The following FGF14 variants were observed in gnomAD, a reference collection of about 807,000 sequenced individuals.
FGF14 encodes fibroblast growth factor 14.
A neutral mutation model predicts 25.5 loss-of-function variants in FGF14; 5 were observed. The ratio of observed to expected loss-of-function variants is 0.20; its 90% CI spans 0.10 to 0.41. FGF14 has a LOEUF of 0.41. Ranked by LOEUF, FGF14 falls within the 10% of genes least tolerant of loss-of-function variation. FGF14 has a pLI of 1.00. For missense variants in FGF14, 222 were observed against 320.1 expected, an observed-to-expected ratio of 0.69 and a Z score of 2.34; for synonymous variants, 138 against 118.3, an observed-to-expected ratio of 1.17 and a Z score of -1.08.
At chr13:102,015,068 T>A (rs1344365491) in intron 1 of FGF14, among the ~76,000 whole-genome samples, 1 of 152,172 alleles carries the variant, frequency 6.6e-6, no homozygotes, top group Non-Finnish European at 1.5e-5. Flanking sequence ...CCACAACGCC[T>A]GGCTAATTTT....
At chr13:102,266,086 T>C (rs999599230) in intron 1 of FGF14, among the ~76,000 whole-genome samples, 2 of 152,058 alleles carry the variant, frequency 1.3e-5, no homozygotes, top group African/African-American at 2.4e-5. Flanking sequence ...GGACAACTCA[T>C]CTCTCTAGAT....
At chr13:101,967,762 GCTCTTGATGT>G (rs1452073737) in intron 1 of FGF14, 1 of 154,300 alleles carries the variant, frequency 6.5e-6, no homozygotes. Context: ...GCATATCTTT[GCTCTTGATGT>G]CTTTTTAACC....
At chr13:101,774,880 G>A (rs1594202739) in intron 3 of FGF14, among the ~76,000 whole-genome samples, 1 of 150,134 alleles carries the variant, frequency 6.7e-6, no homozygotes, top group South Asian at 2.1e-4. Context: ...TGGTGAAACC[G>A]TGTCTCTACT....
chr13:102,288,224 G>A (rs1383319171), intron 1 of FGF14, among the ~76,000 whole-genome samples: 1 of 152,124 alleles, frequency 6.6e-6, no homozygotes, highest in Non-Finnish European at 1.5e-5. Context: ...AAAATCTACT[G>A]CAAACTGGTG....
intron 1 of FGF14, among the ~76,000 whole-genome samples, chr13:102,006,809 A>G (rs567659025): frequency 3.1e-5 from 4 of 130,406 alleles, no homozygotes; most frequent in Admixed American, 9.5e-5. Context: ...CAGTGGCGCA[A>G]TCTCGGCTCA....
intron 1 of FGF14, among the ~76,000 whole-genome samples, chr13:101,878,948 C>G (rs921805215): frequency 6.5e-5 from 2 of 30,898 alleles, no homozygotes; most frequent in Admixed American, 8.0e-4. Flanking sequence ...AATATAAGGC[C>G]TACAAGTATT....
chr13:102,144,963 G>A (rs140879641), intron 1 of FGF14, among the ~76,000 whole-genome samples: 4 of 152,162 alleles, frequency 2.6e-5, no homozygotes, highest in Admixed American at 2.6e-4. Context: ...TAAGCAAAAT[G>A]AATATATAAA....
chr13:101,882,512 G>A (rs1320382498), intron 1 of FGF14, among the ~76,000 whole-genome samples: 1 of 150,950 alleles, frequency 6.6e-6, no homozygotes, highest in Non-Finnish European at 1.5e-5. Flanking sequence ...TAGTAGAGCA[G>A]TAAACTGGGA....
At chr13:101,976,971 T>A (rs768650981) in intron 1 of FGF14, among the ~76,000 whole-genome samples, 1 of 152,208 alleles carries the variant, frequency 6.6e-6, no homozygotes, top group African/African-American at 2.4e-5. Context: ...TTGGATAATA[T>A]CATTACATTC....
chr13:102,080,953 C>A (rs867446668), intron 1 of FGF14, among the ~76,000 whole-genome samples: 9 of 152,220 alleles, frequency 5.9e-5, no homozygotes, highest in Admixed American at 2.0e-4. Flanking sequence ...GGACTTCCTC[C>A]AGCAAAAGGG....
chr13:101,920,327 T>C (rs1214176085), upstream of FGF14, among the ~76,000 whole-genome samples: 6 of 152,176 alleles, frequency 3.9e-5, no homozygotes, highest in African/African-American at 1.2e-4. Flanking sequence ...CACCAAGCTA[T>C]TGGGAGCCTG....
intron 1 of FGF14, among the ~76,000 whole-genome samples, chr13:101,906,784 T>G (rs1357251802): frequency 2.0e-5 from 3 of 152,226 alleles, no homozygotes; most frequent in African/African-American, 7.2e-5. Context: ...ATAGAAAAAC[T>G]AAAAACACAA....
intron 1 of FGF14, among the ~76,000 whole-genome samples, chr13:102,048,410 C>G (rs951805700): frequency 3.3e-5 from 5 of 152,168 alleles, no homozygotes; most frequent in South Asian, 2.1e-4. Flanking sequence ...CGGTAACTAT[C>G]ATTTTTTGTT....
intron 1 of FGF14, among the ~76,000 whole-genome samples, chr13:102,326,685 GA>G (rs2056442493): frequency 1.4e-4 from 9 of 65,044 alleles, no homozygotes; most frequent in Non-Finnish European, 2.6e-4. Flanking sequence ...GAAGGGAAGG[GA>G]AGGGAAGGGA....
intron 1 of FGF14, among the ~76,000 whole-genome samples, chr13:102,155,718 C>G (rs1233160731): frequency 7.0e-6 from 1 of 142,786 alleles, no homozygotes; most frequent in Non-Finnish European, 1.5e-5. Flanking sequence ...TCAATGAATC[C>G]AGGAGCTGGT....
chr13:102,117,317 C>T (rs971047470), intron 1 of FGF14, among the ~76,000 whole-genome samples: 14 of 151,830 alleles, frequency 9.2e-5, no homozygotes, highest in South Asian at 2.1e-4. Context: ...AGTCTGCTCC[C>T]GTCCTGACTT....
intron 1 of FGF14, among the ~76,000 whole-genome samples, chr13:101,887,137 GT>G (rs1252244898): frequency 6.6e-6 from 1 of 151,760 alleles, no homozygotes; most frequent in Non-Finnish European, 1.5e-5. Flanking sequence ...CAGTATGGAG[GT>G]TTCTCAAAAA....
At chr13:101,834,287 C>T (rs1291585848) in intron 3 of FGF14, among the ~76,000 whole-genome samples, 1 of 152,012 alleles carries the variant, frequency 6.6e-6, no homozygotes, top group Non-Finnish European at 1.5e-5. Flanking sequence ...TGCATCAAAA[C>T]ATTGTTGTAA....
At chr13:102,143,824 C>G (rs1419967879) in intron 1 of FGF14, among the ~76,000 whole-genome samples, 1 of 152,052 alleles carries the variant, frequency 6.6e-6, no homozygotes, top group South Asian at 2.1e-4. Flanking sequence ...TCTTCCAGAG[C>G]CTGGGGGATG....
Sources: gnomAD v4.1 joint callset for allele counts (sites outside exome capture counted in the v4.1 genomes callset) on GRCh38, gnomAD v4.1.1 for gene constraint, MANE v1.5 for transcripts, NCBI Gene and HGNC (gene_info 2026-07-23, HGNC 2026-07-21) for gene names.